The following LIN54 variants were observed in gnomAD, a reference collection of about 807,000 sequenced individuals.
LIN54 encodes protein lin-54 homolog.
LIN54 carries 9 observed loss-of-function variants against 78.7 expected under a neutral mutation model. That is an observed-to-expected ratio of 0.11 (90% CI 0.07 to 0.20). The LOEUF (loss-of-function observed/expected upper bound fraction) is 0.20. Among genes scored for constraint, LIN54 ranks in the 10% least tolerant of loss-of-function variants. The pLI is 1.00. For missense variants in LIN54, 573 were observed against 889.9 expected (o/e 0.64, Z 4.53); for synonymous variants, 269 against 318.4 (o/e 0.84, Z 1.65).
chr4:82,965,022 A>C (rs893634128), intron 4 of LIN54, among the ~76,000 whole-genome samples: 39 of 152,214 alleles, frequency 2.6e-4, no homozygotes, highest in Admixed American at 2.6e-4. Context: ...TCCATCTTCA[A>C]GAAAAAATAA....
In LIN54 at chr4:82,978,907, G is replaced by C; in HGVS notation, c.784C>G (p.Gln262Glu). 6.4e-7 allele frequency: 1 copy of C among 1,564,940 alleles called. No homozygotes were observed. Among genetic ancestry groups the C allele is most frequent in the Non-Finnish European group, 8.8e-7 (1 of 1,140,810 alleles). Reference protein sequence around the residue: ...NSKAVTGQTTQVSPPVIAGRV... With the variant: ...NSKAVTGQTTEVSPPVIAGRV... ...CCTGCAATAACTGGTGGTGAAACTT[G>C]AGTTGTCTGTCCTGTAACTGCTTTA... Residue 262 changes from glutamine to glutamate, a missense_variant, in exon 3 of 13, where the codon CAA becomes GAA. Gln to Glu is a conservative substitution (Grantham distance 29). This residue lies in a region of LIN54 where 199 missense variants were observed against 260.9 expected (regional missense o/e 0.76). Coordinates refer to ENST00000340417, the MANE Select transcript of LIN54 (RefSeq NM_194282.4).
At chr4:82,959,338 T>A (rs377644973) in intron 4 of LIN54, among the ~76,000 whole-genome samples, 1 of 151,866 alleles carries the variant, frequency 6.6e-6, no homozygotes, top group Non-Finnish European at 1.5e-5. Context: ...CAAAAAAAAT[T>A]TTTTTAATTA....
chr4:83,005,731 A>C (rs1729300780), intron 1 of LIN54, among the ~76,000 whole-genome samples: 1 of 152,210 alleles, frequency 6.6e-6, no homozygotes, highest in South Asian at 2.1e-4. Flanking sequence ...AAAGCATCTT[A>C]GTGATTTCTA....
At chr4:82,961,506 T>G (rs1262879397) in intron 4 of LIN54, among the ~76,000 whole-genome samples, 1 of 152,108 alleles carries the variant, frequency 6.6e-6, no homozygotes, top group African/African-American at 2.4e-5. Context: ...CAGGAAAGAT[T>G]TGTTGCAAAA....
chr4:83,002,976 ACC>A (rs1353745006), intron 1 of LIN54, among the ~76,000 whole-genome samples: 3 of 152,126 alleles, frequency 2.0e-5, no homozygotes, highest in Admixed American at 6.6e-5. Context: ...AGAGCTTACT[ACC>A]AGCATTAACT....
At chr4:82,952,365 A>C (rs973552734) in intron 4 of LIN54, among the ~76,000 whole-genome samples, 5 of 152,238 alleles carry the variant, frequency 3.3e-5, no homozygotes, top group African/African-American at 1.2e-4. Flanking sequence ...TAAGCACATA[A>C]AATGGTGCTC....
rs770558619 is a variant in LIN54, at chr4:82,984,879, G to A, written c.-32-3C>T. 3 of 1,534,452 alleles carry A rather than the reference G, an allele frequency of 2.0e-6. No individual in the cohort carries two copies. The highest frequency in any genetic ancestry group is 2.6e-6 in the Non-Finnish European group (3 of 1,144,076). ...CCCGCTAGAAAGTTGATCAGGCACT[G>A]TAATAAAAGTTGAAAAATGAACAAG... is the stretch of plus-strand genomic sequence containing the variant. On this transcript the variant is annotated splice_region_variant and splice_polypyrimidine_tract_variant and intron_variant, in intron 1 of 12. Coordinates refer to ENST00000340417, the MANE Select transcript of LIN54 (RefSeq NM_194282.4).
Position 83,001,991 on chromosome 4 carries a change from G to C in LIN54, c.-33+8493C>G, listed in dbSNP as rs182815685. On this transcript the variant is annotated intron_variant, in intron 1 of 12. Transcript: ENST00000340417. Reference sequence around the variant, plus strand: ...GGAAGGAAGGAAGGGAGGGATCTTGGAGAAATTCAAGAGCTAACAGATACC... The same window carrying C: ...GGAAGGAAGGAAGGGAGGGATCTTGCAGAAATTCAAGAGCTAACAGATACC... Among the ~76,000 whole-genome samples, 13 of 139,618 alleles carry C rather than the reference G, an allele frequency of 9.3e-5. 3 individuals carry two copies. The highest frequency in any genetic ancestry group is 3.6e-4 in the African/African-American group (13 of 36,306). 91.6% of individuals were successfully genotyped at this position (139,618 alleles called of 152,430 possible). A position where few individuals can be genotyped will look rare whatever the true frequency, so the allele number is the denominator to read the frequency against.
At chr4:82,976,015 G>C (rs553705698) in intron 3 of LIN54, among the ~76,000 whole-genome samples, 1 of 152,250 alleles carries the variant, frequency 6.6e-6, no homozygotes, top group Admixed American at 6.5e-5. Flanking sequence ...CGCAAGGAAC[G>C]GCAAAGAAAG....
intron 2 of LIN54, among the ~76,000 whole-genome samples, chr4:82,980,150 T>C (rs534910732): frequency 6.6e-6 from 1 of 152,164 alleles, no homozygotes; most frequent in Non-Finnish European, 1.5e-5. Context: ...TGAATTATAA[T>C]TCTCCACAAG....
In LIN54 at chr4:82,939,535, A is replaced by T. The variant is rs541465144; in HGVS notation, c.1440+4T>A. ...AATACAATGACTTCATTTTTTCCAC[A>T]TACCTGAGTAACATACTGAGCTGGA... is the stretch of plus-strand genomic sequence containing the variant. On this transcript the variant is annotated splice_donor_region_variant and intron_variant, in intron 7 of 12. Transcript: ENST00000340417. 12 of 1,612,854 alleles carry T rather than the reference A, an allele frequency of 7.4e-6. No homozygotes were observed. In the African/African-American group the frequency reaches 1.2e-4, roughly 16 times the overall value.
chr4:82,981,956 C>T (rs1726698978), intron 2 of LIN54, among the ~76,000 whole-genome samples: 1 of 152,064 alleles, frequency 6.6e-6, no homozygotes, highest in African/African-American at 2.4e-5. Flanking sequence ...AGCATTTGAG[C>T]TTGGGGGGTC....
chr4:82,962,727 C>T (rs1165591928), intron 4 of LIN54, among the ~76,000 whole-genome samples: 1 of 150,734 alleles, frequency 6.6e-6, no homozygotes, highest in Non-Finnish European at 1.5e-5. Flanking sequence ...TTTGTAGACT[C>T]CAAACAACTG....
At chr4:82,991,515 T>C (rs1727705396) in intron 1 of LIN54, among the ~76,000 whole-genome samples, 1 of 152,196 alleles carries the variant, frequency 6.6e-6, no homozygotes, top group African/African-American at 2.4e-5. Context: ...ACATGTTTTA[T>C]ATTTCTTTTC....
chr4:82,947,227 A>ATTTT lies in LIN54; in HGVS notation c.952-754_952-753insAAAA, dbSNP rs1425401118. ...AAAATTTATATATATATATATATAT[A>ATTTT]TATATATATTTTTTTTTTTTTTGAA... On this transcript the variant is annotated intron_variant, in intron 4 of 12. Coordinates refer to ENST00000340417, the MANE Select transcript of LIN54 (RefSeq NM_194282.4). Among the ~76,000 whole-genome samples, 103 of 22,878 alleles carry ATTTT rather than the reference A, an allele frequency of 4.5e-3. 1 individual carries two copies. Among genetic ancestry groups the ATTTT allele is most frequent in the Middle Eastern group, 0.016 (1 of 62 alleles). The allele number at this position is 22,878 out of a possible 152,430, so 15.0% of individuals were successfully genotyped here.
rs140913025 is a variant in LIN54, at chr4:82,973,992, C to T, written c.809-3523G>A. Among the ~76,000 whole-genome samples the T allele has an allele frequency of 3.0e-3, 462 of 152,116 alleles. 4 individuals are homozygous for T. Among genetic ancestry groups the T allele is most frequent in the African/African-American group, 0.01 (428 of 41,500 alleles). ...TTGGGAGGACAAGGAGGGTGGATCA[C>T]GAGGTCAGGAGATTGGGACCATCCT... On this transcript the variant is annotated intron_variant, in intron 3 of 12. Transcript: ENST00000340417.
upstream of LIN54, among the ~76,000 whole-genome samples, chr4:83,011,314 A>G (rs1437228626): frequency 6.6e-6 from 1 of 152,238 alleles, no homozygotes; most frequent in Non-Finnish European, 1.5e-5. Context: ...AATTACAGGC[A>G]GCAATCCTCA....
chr4:82,999,777 CA>C (rs1295987591), intron 1 of LIN54, among the ~76,000 whole-genome samples: 17 of 92,238 alleles, frequency 1.8e-4, no homozygotes, highest in African/African-American at 2.7e-4. Flanking sequence ...GACTCTGTCT[CA>C]AAAAAAAAAA....
At chr4:83,011,758 T>C (rs1458316255), upstream of LIN54, among the ~76,000 whole-genome samples, 1 of 149,734 alleles carries the variant, frequency 6.7e-6, no homozygotes, top group East Asian at 2.0e-4. Flanking sequence ...TAATTCTTAA[T>C]CATTTAAAAA....
Sources: gnomAD v4.1 joint callset for allele counts (sites outside exome capture counted in the v4.1 genomes callset) on GRCh38, gnomAD v4.1.1 for gene constraint, gnomAD v4.1.1 regional missense constraint, MANE v1.5 for transcripts, NCBI Gene and HGNC (gene_info 2026-07-23, HGNC 2026-07-21) for gene names.